MCTP1: variants seen among roughly 807,000 people sequenced by gnomAD.
The protein encoded by MCTP1 is multiple C2 and transmembrane domain-containing protein 1.
Under a neutral mutation model 120.6 loss-of-function variants are expected in MCTP1, and 69 were observed. The observed-to-expected ratio is 0.57, with a 90% CI of 0.47 to 0.70. The LOEUF is 0.70. Ranked by LOEUF, MCTP1 falls within the 30% of genes least tolerant of loss-of-function variation. The probability of loss-of-function intolerance (pLI) is 0.00; values close to 1 mark genes in which losing one functional copy is unlikely to be tolerated. For missense variants in MCTP1, 1,203 were observed against 1,248.8 expected (o/e 0.96, Z 0.55); for synonymous variants, 529 against 493.1 (o/e 1.07, Z -0.96).
intron 1 of MCTP1, among the ~76,000 whole-genome samples, chr5:95,029,837 T>C (rs548769485): frequency 6.6e-6 from 1 of 152,288 alleles, no homozygotes; most frequent in Non-Finnish European, 1.5e-5. Context: ...TGTACACTTG[T>C]GGTGCCACTG....
chr5:95,061,444 T>C, intron 1 of MCTP1, among the ~76,000 whole-genome samples: 1 of 65,046 alleles, frequency 1.5e-5, no homozygotes, highest in Admixed American at 2.2e-4. Flanking sequence ...TTTTTTTTTT[T>C]TTTTTTTTTG....
chr5:94,948,940 T>C (rs1819795987), intron 3 of MCTP1, among the ~76,000 whole-genome samples: 1 of 152,114 alleles, frequency 6.6e-6, no homozygotes, highest in Non-Finnish European at 1.5e-5. Context: ...TAAACAGAGC[T>C]TAAAGTAACA....
intron 1 of MCTP1, among the ~76,000 whole-genome samples, chr5:95,264,524 C>T (rs1314937907): frequency 6.6e-6 from 1 of 152,220 alleles, no homozygotes; most frequent in Non-Finnish European, 1.5e-5. Context: ...TTCCCCACTG[C>T]TGCTTATTGA....
chr5:95,052,537 C>G (rs1746285234), intron 1 of MCTP1, among the ~76,000 whole-genome samples: 1 of 152,122 alleles, frequency 6.6e-6, no homozygotes, highest in South Asian at 2.1e-4. Flanking sequence ...TACATTTTTA[C>G]AAGTTTGATT....
At chr5:95,266,987 C>T (rs957991749) in intron 1 of MCTP1, among the ~76,000 whole-genome samples, 2 of 152,158 alleles carry the variant, frequency 1.3e-5, no homozygotes, top group African/African-American at 4.8e-5. Flanking sequence ...TAATGGTGAG[C>T]TTTAACACAC....
intron 2 of MCTP1, among the ~76,000 whole-genome samples, chr5:94,978,544 C>T (rs552092003): frequency 8.5e-5 from 13 of 152,124 alleles, no homozygotes; most frequent in African/African-American, 1.7e-4. Context: ...GGAAATCCTG[C>T]AATATGTGAC....
At chr5:94,947,601 G>GAGAGAC (rs1819412566) in intron 3 of MCTP1, among the ~76,000 whole-genome samples, 1 of 104,218 alleles carries the variant, frequency 9.6e-6, no homozygotes. Context: ...GAGAGAGAGA[G>GAGAGAC]AGAGAGAGAG....
chr5:95,209,257 T>C (rs895644108), intron 1 of MCTP1, among the ~76,000 whole-genome samples: 6 of 152,156 alleles, frequency 3.9e-5, no homozygotes, highest in African/African-American at 1.2e-4. Flanking sequence ...CTTTTCCTCT[T>C]CCCTGGCCAA....
chr5:94,800,310 C>T (rs765611164), intron 17 of MCTP1, among the ~76,000 whole-genome samples: 17 of 152,212 alleles, frequency 1.1e-4, no homozygotes, highest in Admixed American at 2.6e-4. Context: ...AGCCCTCTGC[C>T]TGCTAAGATT....
chr5:95,158,835 A>G (rs1386797157), intron 1 of MCTP1, among the ~76,000 whole-genome samples: 1 of 151,858 alleles, frequency 6.6e-6, no homozygotes, highest in African/African-American at 2.4e-5. Flanking sequence ...GCTACTCAGG[A>G]GGCTTGAGCC....
chr5:94,750,510 C>T (rs1768034993), intron 19 of MCTP1, among the ~76,000 whole-genome samples: 2 of 152,128 alleles, frequency 1.3e-5, no homozygotes, highest in South Asian at 4.1e-4. Flanking sequence ...TTGCTCTGAC[C>T]AATGAAAGGC....
intron 17 of MCTP1, among the ~76,000 whole-genome samples, chr5:94,838,109 T>TA (rs1455472952): frequency 6.6e-6 from 1 of 152,220 alleles, no homozygotes; most frequent in Non-Finnish European, 1.5e-5. Context: ...TAAATCAACC[T>TA]AAAATTATAC....
At position 95,280,430 on chromosome 5, in the gene MCTP1, G is replaced by A. The variant is rs114013991; in HGVS notation, c.720+3426C>T. ...TGTTAAAATACTAAAAAAATGCAAC[G>A]TATTCATTCCTCACTCTTTATCTTA... On this transcript the variant is annotated intron_variant, in intron 1 of 22. Transcript: ENST00000515393. Among the ~76,000 whole-genome samples, 825 of 152,228 alleles carry A rather than the reference G, an allele frequency of 5.4e-3. 5 individuals carry two copies. Among genetic ancestry groups the A allele is most frequent in the Non-Finnish European group, 9.1e-3 (619 of 68,010 alleles).
chr5:95,138,207 A>T (rs183963557), intron 1 of MCTP1, among the ~76,000 whole-genome samples: 1 of 151,852 alleles, frequency 6.6e-6, no homozygotes, highest in East Asian at 1.9e-4. Context: ...ACCAAGATGC[A>T]TTCATAGACT....
chr5:95,104,791 C>A (rs1379223759), intron 1 of MCTP1, among the ~76,000 whole-genome samples: 3 of 152,164 alleles, frequency 2.0e-5, no homozygotes, highest in Admixed American at 1.3e-4. Context: ...TATCAAATTT[C>A]TGACTCCATT....
intron 17 of MCTP1, among the ~76,000 whole-genome samples, chr5:94,865,058 A>G (rs78194307): frequency 2.0e-5 from 3 of 152,036 alleles, no homozygotes; most frequent in African/African-American, 7.2e-5. Context: ...GTAAAATTTT[A>G]AAACCGAATG....
At chr5:94,740,072 C>T (rs1347291068) in intron 19 of MCTP1, among the ~76,000 whole-genome samples, 1 of 152,148 alleles carries the variant, frequency 6.6e-6, no homozygotes, top group Non-Finnish European at 1.5e-5. Context: ...TTGAATCATA[C>T]ACGTATTGGA....
rs1297053902 is a variant in MCTP1 at position 94,844,253 on chromosome 5, G to A, written c.2436+24080C>T. 2.2e-5 allele frequency among the ~76,000 whole-genome samples: 3 copies of A among 135,722 alleles called. No individual in the cohort carries two copies. The East Asian group carries it at 6.4e-4, about 29-fold the overall frequency. The allele number at this position is 135,722 out of a possible 152,430, so 89.0% of individuals were successfully genotyped here. A position where few individuals can be genotyped will look rare whatever the true frequency, so the allele number is the denominator to read the frequency against. ...AGAGGCAAAGGTTGCAGTGAGCCGA[G>A]ATCGCGCCATTGCACTCCAGCCTGG... On this transcript the variant is annotated intron_variant, in intron 17 of 22. Coordinates refer to ENST00000515393, the MANE Select transcript of MCTP1 (RefSeq NM_024717.7).
chr5:94,873,025 G>A (rs41276249), intron 13 of MCTP1, 114 bp downstream of exon 13: 2 of 683,132 alleles, frequency 2.9e-6, no homozygotes, highest in Admixed American at 2.5e-5. Flanking sequence ...CAGGCCAGAT[G>A]CATTGAGTTG....
Sources: gnomAD v4.1 joint callset for allele counts (sites outside exome capture counted in the v4.1 genomes callset) on GRCh38, gnomAD v4.1.1 for gene constraint, MANE v1.5 for transcripts, NCBI Gene and HGNC (gene_info 2026-07-23, HGNC 2026-07-21) for gene names.